DGKB: variants seen among roughly 807,000 people sequenced by gnomAD.
DGKB encodes the protein diacylglycerol kinase beta.
A neutral mutation model predicts 114.3 loss-of-function variants in DGKB; 67 were observed. The ratio of observed to expected loss-of-function variants is 0.59; its 90% CI spans 0.48 to 0.72. The LOEUF (loss-of-function observed/expected upper bound fraction) is 0.72, where lower values mean the gene tolerates loss of function less well. Ranked by LOEUF, DGKB falls within the 30% of genes least tolerant of loss-of-function variation. DGKB has a pLI of 0.00. For missense variants in DGKB, 907 were observed against 975.2 expected (o/e 0.93, Z 0.93); for synonymous variants, 398 against 323.1 (o/e 1.23, Z -2.49).
chr7:14,338,337 A>G (rs1310357765), intron 23 of DGKB, among the ~76,000 whole-genome samples, 178 bp downstream of exon 23: 1 of 152,160 alleles, frequency 6.6e-6, no homozygotes, highest in Non-Finnish European at 1.5e-5. Flanking sequence ...GCCAATTTAT[A>G]CTTGAGTTAG....
intron 23 of DGKB, among the ~76,000 whole-genome samples, chr7:14,322,909 C>T (rs1808076246): frequency 6.6e-6 from 1 of 152,110 alleles, no homozygotes; most frequent in Non-Finnish European, 1.5e-5. Context: ...ACTCATCATT[C>T]AAAGTGTTGG....
chr7:14,873,806 A>G (rs1177371474), intron 1 of DGKB, among the ~76,000 whole-genome samples: 1 of 152,022 alleles, frequency 6.6e-6, no homozygotes, highest in Non-Finnish European at 1.5e-5. Flanking sequence ...AGTGAAAATT[A>G]TTTTAAAAGT....
intron 25 of DGKB, among the ~76,000 whole-genome samples, chr7:14,166,406 T>A (rs1410565581): frequency 6.6e-6 from 1 of 152,214 alleles, no homozygotes; most frequent in African/African-American, 2.4e-5. Flanking sequence ...TTATTTAGTA[T>A]TTTTGGAAGG....
chr7:14,331,378 G>A (rs1398714153), intron 23 of DGKB, among the ~76,000 whole-genome samples: 3 of 151,838 alleles, frequency 2.0e-5, no homozygotes, highest in Non-Finnish European at 4.4e-5. Flanking sequence ...TAAATGCTTG[G>A]AAATTCTTCT....
chr7:14,227,104 C>G (rs537314002), intron 23 of DGKB, among the ~76,000 whole-genome samples: 1 of 152,124 alleles, frequency 6.6e-6, no homozygotes, highest in South Asian at 2.1e-4. Context: ...TGTGACTTAT[C>G]TCAAGGCCCA....
At chr7:14,865,095 G>GA (rs1394084689) in intron 1 of DGKB, among the ~76,000 whole-genome samples, 2 of 7,702 alleles carry the variant, frequency 2.6e-4, no homozygotes, top group Non-Finnish European at 5.1e-3. Context: ...ACCTATTGGT[G>GA]AACAAAATGT....
intron 23 of DGKB, among the ~76,000 whole-genome samples, chr7:14,259,291 A>G (rs372232602): frequency 2.0e-5 from 3 of 150,552 alleles, no homozygotes; most frequent in African/African-American, 7.4e-5. Flanking sequence ...AAAATGCAAT[A>G]CTGGCAAATT....
At chr7:14,272,874 A>C (rs906749007) in intron 23 of DGKB, among the ~76,000 whole-genome samples, 1 of 152,238 alleles carries the variant, frequency 6.6e-6, no homozygotes, top group Non-Finnish European at 1.5e-5. Flanking sequence ...TTGAAAGGAA[A>C]AAAAAGATAT....
chr7:14,732,330 A>G (rs1404108644), intron 5 of DGKB, among the ~76,000 whole-genome samples: 1 of 152,080 alleles, frequency 6.6e-6, no homozygotes, highest in Non-Finnish European at 1.5e-5. Flanking sequence ...AACAGCATAA[A>G]CCAAACCAGA....
chr7:14,741,114 T>C (rs538108528), intron 4 of DGKB, among the ~76,000 whole-genome samples: 2 of 152,264 alleles, frequency 1.3e-5, no homozygotes, highest in South Asian at 4.1e-4. Flanking sequence ...CCTGTCTCCA[T>C]ACTACAGGAC....
chr7:14,965,604 T>A (rs1189235577), intron 1 of DGKB, among the ~76,000 whole-genome samples: 1 of 152,114 alleles, frequency 6.6e-6, no homozygotes, highest in African/African-American at 2.4e-5. Flanking sequence ...AATTAATGAT[T>A]ACTAATCTCA....
At chr7:14,231,890 A>G (rs147055241) in intron 23 of DGKB, among the ~76,000 whole-genome samples, 13 of 152,132 alleles carry the variant, frequency 8.5e-5, no homozygotes, top group African/African-American at 2.9e-4. Flanking sequence ...ACAGTATTCA[A>G]ATATCCCAAA....
intron 2 of DGKB, among the ~76,000 whole-genome samples, chr7:14,832,906 A>T (rs1846625002): frequency 6.6e-6 from 1 of 152,070 alleles, no homozygotes. Context: ...ATTTCCAAGT[A>T]TCGAATTTAT....
At chr7:14,355,696 C>T (rs1373909452) in intron 21 of DGKB, among the ~76,000 whole-genome samples, 1 of 152,052 alleles carries the variant, frequency 6.6e-6, no homozygotes, top group East Asian at 1.9e-4. Flanking sequence ...TTATTGAGGA[C>T]TTTTGCATCG....
At chr7:14,804,087 G>GTGTT (rs1842513490) in intron 2 of DGKB, among the ~76,000 whole-genome samples, 1 of 151,878 alleles carries the variant, frequency 6.6e-6, no homozygotes, top group East Asian at 1.9e-4. Context: ...GTGTGTGTGT[G>GTGTT]TGTGTGTGTG....
chr7:14,556,500 G>C (rs908856352), intron 20 of DGKB, among the ~76,000 whole-genome samples: 4 of 152,034 alleles, frequency 2.6e-5, no homozygotes, highest in Non-Finnish European at 5.9e-5. Context: ...AGTGAGAGAA[G>C]AATTATGGTC....
chr7:14,721,814 T>A (rs918464559), intron 5 of DGKB, among the ~76,000 whole-genome samples: 1 of 152,158 alleles, frequency 6.6e-6, no homozygotes, highest in African/African-American at 2.4e-5. Flanking sequence ...TTTATTATTA[T>A]TACTTGATAA....
intron 1 of DGKB, among the ~76,000 whole-genome samples, chr7:14,917,404 A>G (rs1011790345): frequency 2.6e-5 from 4 of 152,014 alleles, no homozygotes; most frequent in African/African-American, 7.2e-5. Context: ...AGAGAGAAAG[A>G]GAAGATGCAA....
intron 14 of DGKB, among the ~76,000 whole-genome samples, chr7:14,628,340 T>C (rs1585195179): frequency 7.1e-6 from 1 of 139,892 alleles, no homozygotes; most frequent in African/African-American, 2.6e-5. Context: ...GTATGAGGAG[T>C]GGTCAAGTTA....
Sources: allele counts gnomAD v4.1 joint callset (sites outside exome capture counted in the v4.1 genomes callset), GRCh38; gene constraint gnomAD v4.1.1; transcripts MANE v1.5; gene names NCBI Gene and HGNC (gene_info 2026-07-23, HGNC 2026-07-21).